The following TAF5L variants were observed in gnomAD, a reference collection of about 807,000 sequenced individuals.
TAF5L encodes TATA-box binding protein associated factor 5 like.
A neutral mutation model predicts 51.3 loss-of-function variants in TAF5L; 7 were observed. The ratio of observed to expected loss-of-function variants is 0.14; its 90% confidence interval spans 0.08 to 0.26. TAF5L has a LOEUF of 0.26. Ranked by LOEUF, TAF5L falls within the 10% of genes least tolerant of loss-of-function variation. TAF5L has a pLI of 1.00. For synonymous variants in TAF5L, 291 were observed against 308.1 expected (o/e 0.94, Z 0.58); for missense variants, 575 against 758.9 (o/e 0.76, Z 2.85).
intron 1 of TAF5L, among the ~76,000 whole-genome samples, chr1:229,616,030 T>G (rs1264537824): frequency 2.6e-5 from 4 of 152,200 alleles, no homozygotes; most frequent in Non-Finnish European, 5.9e-5. Context: ...TTTTATTTTT[T>G]TTGAGACAGT....
intron 2 of TAF5L, 63 bp from the exon 3 acceptor site, chr1:229,610,273 G>A: frequency 5.4e-6 from 8 of 1,468,798 alleles, no homozygotes; most frequent in Non-Finnish European, 6.7e-6. Context: ...AACCCAGTAC[G>A]TGGCAGGATG....
chr1:229,603,016 G>A, intron 3 of TAF5L, 97 bp from the exon 4 acceptor site: 2 of 1,454,612 alleles, frequency 1.4e-6, no homozygotes, highest in South Asian at 3.0e-5. Flanking sequence ...ATGCTTTCTT[G>A]CCAGGACCCC....
At chr1:229,593,568 G>T (rs1448292401) in exon 5 of TAF5L, 1 of 151,876 alleles carries the variant, frequency 6.6e-6, no homozygotes, top group African/African-American at 2.4e-5. Flanking sequence ...TGTCAGCCAG[G>T]GTGATCAATC....
In TAF5L at chr1:229,602,509, T is replaced by C. The variant is rs759501500; in HGVS notation, c.658A>G (p.Asn220Asp). The C allele has an allele frequency of 2.2e-5, 36 of 1,614,014 alleles. 1 individual carries two copies. The South Asian group carries it at 4.0e-4, about 18-fold the overall frequency. Residue 220 changes from asparagine (N) to aspartate (D), a missense_variant, in exon 4 of 5, where the codon AAC (asparagine) becomes GAC (aspartate). Coordinates refer to ENST00000258281, the Ensembl canonical transcript of TAF5L. This position sits in a 1 kb window ranked among gnomAD's most constrained non-coding sequence, Gnocchi z 4.6. The stretch of plus-strand genomic sequence containing the variant: ...ATGTCGGGGGGCTCCAAACCGTTGT[T>C]CTCACTGCGGGAGGAGCTGCCACTG...
At chr1:229,614,116 C>T (rs1158870789) in intron 2 of TAF5L, 1 of 708,816 alleles carries the variant, frequency 1.4e-6, no homozygotes. Flanking sequence ...TGACTTTAGC[C>T]AGGGGAATCA....
At chr1:229,614,168 G>T in intron 2 of TAF5L, 173 bp downstream of exon 2, 1 of 1,025,992 alleles carries the variant, frequency 9.7e-7, no homozygotes, top group Non-Finnish European at 1.5e-6. Context: ...CGCTCTAAAT[G>T]ACAGACAGGG....
Position 229,594,047 on chromosome 1 carries a change from G to C in TAF5L, c.*250C>G, listed in dbSNP as rs1664020125. The C allele has an allele frequency of 2.2e-6, 1 of 456,266 alleles. No homozygotes were observed. Among genetic ancestry groups the C allele is most frequent in the African/African-American group, 2.0e-5 (1 of 50,492 alleles). The allele number at this position is 456,266 out of a possible 1,614,324, so 28.3% of individuals were successfully genotyped here. A position where few individuals can be genotyped will look rare whatever the true frequency, so the allele number is the denominator to read the frequency against. On this transcript the variant is annotated 3_prime_UTR_variant, in exon 5 of 5. Transcript: ENST00000258281. This position sits in a 1 kb window ranked among gnomAD's most constrained non-coding sequence, Gnocchi z 7.9. ...CGAGGTCACGGCAGAGTCTCCATGA[G>C]GACTTGTGAGTGACCTCCAGGGCAC...
At chr1:229,596,870 A>C (rs1457320640) in intron 4 of TAF5L, among the ~76,000 whole-genome samples, 1 of 152,168 alleles carries the variant, frequency 6.6e-6, no homozygotes, top group Non-Finnish European at 1.5e-5. Flanking sequence ...AGAAAAGGGC[A>C]CCTTTTTTTT....
At chr1:229,617,480 G>A (rs531029533) in intron 1 of TAF5L, among the ~76,000 whole-genome samples, 62 of 152,218 alleles carry the variant, frequency 4.1e-4, no homozygotes, top group African/African-American at 1.4e-3. Context: ...AAATCTTTCC[G>A]GCTTCCACAC....
In TAF5L at chr1:229,594,977, T is replaced by A; in HGVS notation, c.1090A>T (p.Met364Leu). Reference sequence around the variant, plus strand: ...CCCAGATCCCAGTATCTGATGGACATGTCTTCAGAACAAGAGAGCAACCCT... The same window carrying A: ...CCCAGATCCCAGTATCTGATGGACAAGTCTTCAGAACAAGAGAGCAACCCT... The change falls in exon 5 of 5, where the codon ATG becomes TTG. Residue 364 changes from methionine to leucine, a missense_variant. Around this residue, in one of 3 missense-constraint regions of TAF5L, gnomAD observed 104 missense variants for 218.3 expected, o/e 0.48. Coordinates refer to ENST00000258281, the Ensembl canonical transcript of TAF5L. This position sits in a 1 kb window ranked among gnomAD's most constrained non-coding sequence, Gnocchi z 7.9. 1 of 1,614,200 alleles carries A rather than the reference T, an allele frequency of 6.2e-7. No individual in the cohort carries two copies. The highest frequency in any genetic ancestry group is 1.7e-5 in the Admixed American group (1 of 60,026).
At chr1:229,610,240 C>T (rs568227142) in intron 2 of TAF5L, 30 bp from the exon 3 acceptor site, 56 of 1,604,826 alleles carry the variant, frequency 3.5e-5, no homozygotes, top group Non-Finnish European at 4.4e-5. Context: ...CAAGTCAGGG[C>T]GGGAAACAGA....
At chr1:229,614,230 A>G in intron 2 of TAF5L, 111 bp downstream of exon 2, 1 of 1,589,492 alleles carries the variant, frequency 6.3e-7, no homozygotes, top group Non-Finnish European at 8.6e-7. Context: ...GTTTTTGGTC[A>G]GTCTGCTCTC....
intron 1 of TAF5L, among the ~76,000 whole-genome samples, chr1:229,615,833 A>G (rs1048094113): frequency 2.0e-5 from 3 of 152,216 alleles, no homozygotes; most frequent in African/African-American, 7.2e-5. Context: ...CCATTTTGGA[A>G]TGCATTTCAT....
In TAF5L at chr1:229,594,143, G is replaced by C; in HGVS notation, c.*154C>G. 1.2e-6 allele frequency: 1 copy of C among 835,982 alleles called. No homozygotes were observed. Among genetic ancestry groups the C allele is most frequent in the Non-Finnish European group, 1.8e-6 (1 of 541,028 alleles). The allele number at this position is 835,982 out of a possible 1,614,324, so 51.8% of individuals were successfully genotyped here. A position where few individuals can be genotyped will look rare whatever the true frequency, so the allele number is the denominator to read the frequency against. ...CCAACCTTGGCCTTCGACACTGGGG[G>C]GCTGAGTGAAGGGGGACCTGCCCGG... On this transcript the variant is annotated 3_prime_UTR_variant, in exon 5 of 5. Coordinates refer to ENST00000258281, the Ensembl canonical transcript of TAF5L. This position sits in a 1 kb window ranked among gnomAD's most constrained non-coding sequence, Gnocchi z 7.9.
At chr1:229,597,491 A>C (rs1456259170) in intron 4 of TAF5L, among the ~76,000 whole-genome samples, 1 of 152,162 alleles carries the variant, frequency 6.6e-6, no homozygotes, top group Non-Finnish European at 1.5e-5. Context: ...CTCTGCCAGG[A>C]CCACAGCTTA....
chr1:229,625,696 C>A lies in TAF5L; in HGVS notation c.-4+189G>T, dbSNP rs1185287435. Among the ~76,000 whole-genome samples the A allele has an allele frequency of 6.8e-6, 1 of 147,688 alleles. No homozygotes were observed. The highest frequency in any genetic ancestry group is 2.0e-4 in the East Asian group (1 of 5,022). On this transcript the variant is annotated intron_variant, in intron 1 of 4. Transcript: ENST00000258281. The surrounding 1 kb of genome is among the most constrained non-coding windows in gnomAD (Gnocchi z 4.0). ...ACTCGGGAGGCCGAGGGCGGAGGCG[C>A]GGCCGTCGCGCCCGCGCAGAGCCGC...
chr1:229,610,048 G>A, intron 3 of TAF5L, 58 bp downstream of exon 3: 2 of 1,476,930 alleles, frequency 1.4e-6, no homozygotes, highest in Non-Finnish European at 1.9e-6. Context: ...TGTGCCCAAA[G>A]TTGGTCTGTA....
chr1:229,594,574 G>T lies in TAF5L; in HGVS notation c.1493C>A (p.Ala498Asp), dbSNP rs1259999955. 6.2e-7 allele frequency: 1 copy of T among 1,614,060 alleles called. No homozygotes were observed. The highest frequency in any genetic ancestry group is 8.5e-7 in the Non-Finnish European group (1 of 1,180,042). ...CAACTCTTTATAAAGGGTCCCAGAG[G>T]CCAAGTCCCACAGCTTCAACCGCTG... Residue 498 changes from alanine (A) to aspartate (D), a missense_variant, in exon 5 of 5, where the codon GCC (alanine) becomes GAC (aspartate). Physicochemically the swap from Ala to Asp is moderately radical, Grantham distance 126. Coordinates refer to ENST00000258281, the Ensembl canonical transcript of TAF5L. The surrounding 1 kb of genome is among the most constrained non-coding windows in gnomAD (Gnocchi z 7.9).
chr1:229,609,360 A>G (rs1664710102), intron 3 of TAF5L, among the ~76,000 whole-genome samples: 1 of 152,226 alleles, frequency 6.6e-6, no homozygotes, highest in African/African-American at 2.4e-5. Context: ...AATAAACTCA[A>G]TGGCATAATT....
Sources: allele counts gnomAD v4.1 joint callset (sites outside exome capture counted in the v4.1 genomes callset), GRCh38; gene constraint gnomAD v4.1.1; regional missense constraint gnomAD v4.1.1; non-coding constraint Gnocchi (gnomAD v3.1); transcripts MANE v1.5; gene names NCBI Gene and HGNC (gene_info 2026-07-23, HGNC 2026-07-21).